The following NFKB1 variants were observed in gnomAD, a reference collection of about 807,000 sequenced individuals.
NFKB1 encodes nuclear factor NF-kappa-B p105 subunit.
NFKB1 carries 9 observed loss-of-function variants against 105.1 expected under a neutral mutation model. The ratio of observed to expected loss-of-function variants is 0.09; its 90% CI spans 0.05 to 0.15. The LOEUF (loss-of-function observed/expected upper bound fraction) is 0.15, where lower values mean the gene tolerates loss of function less well. NFKB1 is among the 10% of genes least tolerant of loss of function. NFKB1 has a pLI of 1.00. For missense variants in NFKB1, 830 were observed against 1,203.7 expected, an observed-to-expected ratio of 0.69 and a Z score of 4.59; for synonymous variants, 440 against 442.2, an observed-to-expected ratio of 1.00 and a Z score of 0.06.
At chr4:102,521,284 A>G (rs1740557762) in intron 1 of NFKB1, among the ~76,000 whole-genome samples, 1 of 152,164 alleles carries the variant, frequency 6.6e-6, no homozygotes, top group Non-Finnish European at 1.5e-5. Flanking sequence ...TCCTCCAGAA[A>G]ATTCCTCTGT....
chr4:102,563,909 C>T (rs1723639399), intron 5 of NFKB1, among the ~76,000 whole-genome samples: 1 of 151,038 alleles, frequency 6.6e-6, no homozygotes, highest in Non-Finnish European at 1.5e-5. Context: ...GCAACCTCCA[C>T]CTCCTGGGTT....
rs183268169 is a variant in NFKB1, at chr4:102,590,663, C to T, written c.1067-2762C>T. ...AAATGTTCTGTGTGTTCTGACTGCT[C>T]TACTGACTGGCAATTCCTCCATCTC... On this transcript the variant is annotated intron_variant, in intron 11 of 23. Coordinates refer to ENST00000226574, the MANE Select transcript of NFKB1 (RefSeq NM_003998.4). Among the ~76,000 whole-genome samples, 331 of 152,294 alleles carry T rather than the reference C, an allele frequency of 2.2e-3. 6 individuals are homozygous for T. The highest frequency in any genetic ancestry group is 0.015 in the Admixed American group (235 of 15,290).
At position 102,615,590 on chromosome 4, in the gene NFKB1, G is replaced by A. The variant is rs1728875706; in HGVS notation, c.2750-844G>A. ...GCACAGATATTAAAAAAGAAAAAAAGCAAATACTTAACATTTTTTTAAAAA... is the reference window on the plus strand; with the variant it reads ...GCACAGATATTAAAAAAGAAAAAAAACAAATACTTAACATTTTTTTAAAAA... On this transcript the variant is annotated intron_variant, in intron 23 of 23. Transcript: ENST00000226574. 5.3e-5 allele frequency among the ~76,000 whole-genome samples: 8 copies of A among 152,304 alleles called. 1 individual carries two copies. The South Asian group carries it at 1.7e-3, about 32-fold the overall frequency.
In NFKB1 at chr4:102,559,301, A is replaced by T. The variant is rs1403537894; in HGVS notation, c.259-7686A>T. 2.0e-5 allele frequency among the ~76,000 whole-genome samples: 3 copies of T among 152,204 alleles called. No homozygotes were observed. In the South Asian group the frequency reaches 6.2e-4, roughly 31 times the overall value. On this transcript the variant is annotated intron_variant, in intron 5 of 23. Transcript: ENST00000226574. ...CATAGAAAAATGTAATCATATACAA[A>T]CACAGAATAGTATAATGAGCCCCCT...
At chr4:102,504,603 A>G (rs1739308723) in intron 1 of NFKB1, among the ~76,000 whole-genome samples, 2 of 152,176 alleles carry the variant, frequency 1.3e-5, no homozygotes, top group African/African-American at 4.8e-5. Context: ...ATTGATGACT[A>G]CGTCTTGGTA....
At chr4:102,552,601 T>C (rs1372601915) in intron 5 of NFKB1, among the ~76,000 whole-genome samples, 1 of 152,140 alleles carries the variant, frequency 6.6e-6, no homozygotes, top group Non-Finnish European at 1.5e-5. Flanking sequence ...CAAGGGATAA[T>C]CAAGATTTGG....
chr4:102,512,967 T>G (rs1263187987), intron 1 of NFKB1, among the ~76,000 whole-genome samples: 2 of 152,246 alleles, frequency 1.3e-5, no homozygotes. Flanking sequence ...TCTCTGTATT[T>G]GAACAAAAGA....
At chr4:102,589,583 A>T (rs757884294) in intron 11 of NFKB1, among the ~76,000 whole-genome samples, 11 of 152,102 alleles carry the variant, frequency 7.2e-5, no homozygotes, top group Non-Finnish European at 1.5e-4. Context: ...CAGTTAGATG[A>T]TCATGAGATA....
At chr4:102,588,207 C>T (rs1454444301) in intron 11 of NFKB1, among the ~76,000 whole-genome samples, 2 of 152,086 alleles carry the variant, frequency 1.3e-5, no homozygotes, top group African/African-American at 4.8e-5. Context: ...AGCCAAGCTG[C>T]CATCCATCCT....
intron 5 of NFKB1, among the ~76,000 whole-genome samples, chr4:102,552,796 C>A (rs1001302934): frequency 1.3e-5 from 2 of 152,072 alleles, no homozygotes; most frequent in Non-Finnish European, 2.9e-5. Context: ...GTTTAAAGTA[C>A]TACCATTTTT....
intron 22 of NFKB1, 41 bp from the exon 23 acceptor site, chr4:102,613,384 C>T (rs781447928): frequency 1.3e-5 from 21 of 1,602,210 alleles, no homozygotes; most frequent in African/African-American, 1.1e-4. Context: ...CACTGGGACT[C>T]GAACACAAGA....
At chr4:102,575,999 C>T (rs137964170) in intron 6 of NFKB1, among the ~76,000 whole-genome samples, 53 of 152,072 alleles carry the variant, frequency 3.5e-4, no homozygotes, top group African/African-American at 1.3e-3. Context: ...TTTTTGTTTG[C>T]CTGTTATATT....
intron 6 of NFKB1, among the ~76,000 whole-genome samples, chr4:102,572,135 C>T (rs1454460648): frequency 6.6e-6 from 1 of 152,166 alleles, no homozygotes; most frequent in Non-Finnish European, 1.5e-5. Context: ...ATATATACAT[C>T]ATGGAATACT....
chr4:102,504,372 G>A (rs747504537), intron 1 of NFKB1, among the ~76,000 whole-genome samples: 2 of 152,094 alleles, frequency 1.3e-5, no homozygotes, highest in African/African-American at 2.4e-5. Flanking sequence ...CACATTAACA[G>A]GAATGGATGT....
intron 6 of NFKB1, among the ~76,000 whole-genome samples, chr4:102,574,717 C>T (rs970828236): frequency 7.2e-5 from 11 of 152,104 alleles, no homozygotes; most frequent in Non-Finnish European, 4.4e-5. Flanking sequence ...TTTCTAGTGT[C>T]TAAAAACCAT....
chr4:102,613,642 A>G, intron 23 of NFKB1, 61 bp downstream of exon 23: 1 of 1,545,626 alleles, frequency 6.5e-7, no homozygotes, highest in East Asian at 2.3e-5. Context: ...TGGTGTCTTC[A>G]GCTCTTTTTG....
chr4:102,607,595 CA>C, intron 18 of NFKB1, 53 bp from the exon 19 acceptor site: 1 of 1,569,858 alleles, frequency 6.4e-7, no homozygotes. Flanking sequence ...GAGGTGGGGA[CA>C]AAAGGGCAAA....
intron 2 of NFKB1, among the ~76,000 whole-genome samples, chr4:102,529,620 C>T (rs570763046): frequency 3.9e-5 from 6 of 152,258 alleles, no homozygotes; most frequent in Non-Finnish European, 7.4e-5. Context: ...CCCTTTGTTA[C>T]GTAAACGTTG....
chr4:102,550,190 C>A (rs1261134830), intron 5 of NFKB1, among the ~76,000 whole-genome samples: 1 of 151,994 alleles, frequency 6.6e-6, no homozygotes, highest in South Asian at 2.1e-4. Flanking sequence ...CTATTCTTGG[C>A]CAGTGGGAGT....
Sources: allele counts gnomAD v4.1 joint callset (sites outside exome capture counted in the v4.1 genomes callset), GRCh38; gene constraint gnomAD v4.1.1; transcripts MANE v1.5; gene names NCBI Gene and HGNC (gene_info 2026-07-23, HGNC 2026-07-21).